The following KDM4C variants were observed in gnomAD, a reference collection of about 807,000 sequenced individuals.
The protein encoded by KDM4C is lysine-specific demethylase 4C.
Under a neutral mutation model 129.3 loss-of-function variants are expected in KDM4C, and 81 were observed. That is an observed-to-expected ratio of 0.63 (90% CI 0.52 to 0.75). KDM4C has a LOEUF of 0.75. Ranked by LOEUF, KDM4C falls within the 30% of genes least tolerant of loss-of-function variation. KDM4C has a pLI of 0.00. For synonymous variants in KDM4C, 573 were observed against 456.1 expected (o/e 1.26, Z -3.26); for missense variants, 1,457 against 1,304.0 (o/e 1.12, Z -1.81).
chr9:6,760,847 C>T (rs1159850800), intron 1 of KDM4C, among the ~76,000 whole-genome samples: 5 of 151,952 alleles, frequency 3.3e-5, no homozygotes, highest in Admixed American at 3.3e-4. Flanking sequence ...GCTGGGATTA[C>T]AGGCGTGAGC....
intron 6 of KDM4C, among the ~76,000 whole-genome samples, chr9:6,881,556 A>C (rs1349509834): frequency 3.3e-5 from 5 of 152,226 alleles, no homozygotes. Context: ...GAGAACTTTT[A>C]AAATGAAGCC....
At chr9:7,029,075 C>T (rs774317788) in intron 15 of KDM4C, among the ~76,000 whole-genome samples, 9 of 152,112 alleles carry the variant, frequency 5.9e-5, no homozygotes, top group Non-Finnish European at 1.0e-4. Context: ...TTTGGTGTTC[C>T]TCCAGAGGGG....
intron 17 of KDM4C, among the ~76,000 whole-genome samples, chr9:7,088,643 A>C (rs1489529351): frequency 6.6e-6 from 1 of 152,214 alleles, no homozygotes; most frequent in Non-Finnish European, 1.5e-5. Context: ...TACATTTGCT[A>C]CATATTACAG....
intron 8 of KDM4C, among the ~76,000 whole-genome samples, chr9:6,911,623 T>C (rs1819326694): frequency 6.6e-6 from 1 of 152,256 alleles, no homozygotes; most frequent in African/African-American, 2.4e-5. Flanking sequence ...AGCACTTGTA[T>C]AAAATGTTCA....
rs144132068 is a variant in KDM4C, at chr9:6,933,761, A to T, written c.921+40529A>T. Among the ~76,000 whole-genome samples, 172 of 152,306 alleles carry T rather than the reference A, an allele frequency of 1.1e-3. 1 individual carries two copies. The highest frequency in any genetic ancestry group is 3.8e-3 in the African/African-American group (157 of 41,572). On this transcript the variant is annotated intron_variant, in intron 8 of 21. Coordinates refer to ENST00000381309, the MANE Select transcript of KDM4C (RefSeq NM_015061.6). The stretch of plus-strand genomic sequence containing the variant: ...AGGTTTGGCAATGAAAGATACTGTG[A>T]GGGCAAAGATTTTGGTATGGCTGTT...
intron 12 of KDM4C, among the ~76,000 whole-genome samples, chr9:7,006,615 T>C (rs1336909336): frequency 6.6e-6 from 1 of 152,056 alleles, no homozygotes; most frequent in African/African-American, 2.4e-5. Context: ...ATTTTACCTA[T>C]AGGTAATTGT....
rs138849882 is a variant in KDM4C at position 6,964,171 on chromosome 9, C to T, written c.922-16754C>T. Among the ~76,000 whole-genome samples, 534 of 152,222 alleles carry T rather than the reference C, an allele frequency of 3.5e-3. 2 individuals carry two copies. The highest frequency in any genetic ancestry group is 0.012 in the African/African-American group (503 of 41,550). On this transcript the variant is annotated intron_variant, in intron 8 of 21. Transcript: ENST00000381309. ...TTGTTACACATGTATACATATGCCACGTTGGTGTGCTGCACCCATTAACTC... is the reference window on the plus strand; with the variant it reads ...TTGTTACACATGTATACATATGCCATGTTGGTGTGCTGCACCCATTAACTC...
At chr9:7,120,159 A>ATT (rs113215491) in intron 18 of KDM4C, among the ~76,000 whole-genome samples, 99 of 149,020 alleles carry the variant, frequency 6.6e-4, no homozygotes, top group African/African-American at 1.2e-3. Context: ...AGGAATGATG[A>ATT]TTTTTTTTTT....
intron 8 of KDM4C, among the ~76,000 whole-genome samples, chr9:6,968,874 G>C (rs1458738212): frequency 2.0e-5 from 3 of 152,076 alleles, no homozygotes; most frequent in African/African-American, 4.8e-5. Context: ...GTTTTAGTTT[G>C]AGTGTTTAAA....
At chr9:6,825,974 C>G (rs1833805030) in intron 4 of KDM4C, among the ~76,000 whole-genome samples, 1 of 152,062 alleles carries the variant, frequency 6.6e-6, no homozygotes, top group Admixed American at 6.6e-5. Flanking sequence ...CCATGCCCAG[C>G]TAATTTTTTG....
rs200659356 is a variant in KDM4C at position 7,175,533 on chromosome 9, A to G, written c.*804A>G. On this transcript the variant is annotated 3_prime_UTR_variant, in exon 22 of 22. Transcript: ENST00000381309. ...TTTCATTATGTGTTTGTAAAATTAG[A>G]GTTTAAATAAATATGCTTTGATGCA... 15 of 152,754 alleles carry G rather than the reference A, an allele frequency of 9.8e-5. No individual in the cohort carries two copies. The East Asian group carries it at 2.9e-3, about 29-fold the overall frequency. The allele number at this position is 152,754 out of a possible 1,614,324, so 9.5% of individuals were successfully genotyped here. A position where few individuals can be genotyped will look rare whatever the true frequency, so the allele number is the denominator to read the frequency against.
chr9:6,969,071 G>C (rs1254039569), intron 8 of KDM4C, among the ~76,000 whole-genome samples: 1 of 151,924 alleles, frequency 6.6e-6, no homozygotes, highest in Non-Finnish European at 1.5e-5. Flanking sequence ...GAGTACCTGG[G>C]ACCACAGGCA....
chr9:6,845,538 C>CT (rs1419598138), intron 4 of KDM4C, among the ~76,000 whole-genome samples: 1 of 152,174 alleles, frequency 6.6e-6, no homozygotes, highest in African/African-American at 2.4e-5. Context: ...AAACTGCTGT[C>CT]TGATTCCTGA....
At chr9:6,770,184 A>C (rs1821460909) in intron 1 of KDM4C, among the ~76,000 whole-genome samples, 1 of 151,914 alleles carries the variant, frequency 6.6e-6, no homozygotes, top group Non-Finnish European at 1.5e-5. Context: ...CATCTCAAAA[A>C]GGAAAAACAA....
chr9:7,002,986 G>T (rs541706501), intron 12 of KDM4C, among the ~76,000 whole-genome samples: 3 of 152,272 alleles, frequency 2.0e-5, no homozygotes, highest in African/African-American at 7.2e-5. Context: ...TCAGCCTCCC[G>T]AGTAACTGGG....
rs1186232259 is a variant in KDM4C at position 7,076,960 on chromosome 9, C to G, written c.2425-26725C>G. 4.1e-6 allele frequency: 4 copies of G among 985,906 alleles called. No individual in the cohort carries two copies. In the East Asian group the frequency reaches 4.5e-4, roughly 112 times the overall value. The allele number at this position is 985,906 out of a possible 1,614,324, so 61.1% of individuals were successfully genotyped here. A position where few individuals can be genotyped will look rare whatever the true frequency, so the allele number is the denominator to read the frequency against. On this transcript the variant is annotated intron_variant, in intron 17 of 21. Transcript: ENST00000381309. ...TACACCATTTTTCTACAGCACATCA[C>G]AGGCCCAGAGGCTTGAATCTAAGAG...
intron 15 of KDM4C, among the ~76,000 whole-genome samples, chr9:7,031,237 A>G (rs1455741585): frequency 6.6e-6 from 1 of 151,828 alleles, no homozygotes; most frequent in African/African-American, 2.4e-5. Context: ...ATCTTGGTTC[A>G]CTGCAACCTC....
At chr9:6,922,258 A>G (rs1171132868) in intron 8 of KDM4C, among the ~76,000 whole-genome samples, 1 of 152,230 alleles carries the variant, frequency 6.6e-6, no homozygotes, top group African/African-American at 2.4e-5. Context: ...ATGCAATGTT[A>G]TAACACTGAA....
In KDM4C at chr9:7,103,863, C is replaced by G; in HGVS notation, c.2603C>G (p.Pro868Arg). The G allele has an allele frequency of 6.2e-7, 1 of 1,613,730 alleles. No individual in the cohort carries two copies. The highest frequency in any genetic ancestry group is 1.1e-5 in the South Asian group (1 of 91,052). ...NITCFRHKVNPNVKSKACEKV... is the reference protein window; with the variant it reads ...NITCFRHKVNRNVKSKACEKV... ...ACATGCTTTCGACATAAGGTCAACC[C>G]CAACGTGGTAAGATGTGCCCTCCCT... The change falls in exon 18 of 22, where the codon CCC (proline) becomes CGC (arginine). Residue 868 changes from proline to arginine, a missense_variant. Transcript: ENST00000381309.
Sources: allele counts gnomAD v4.1 joint callset (sites outside exome capture counted in the v4.1 genomes callset), GRCh38; gene constraint gnomAD v4.1.1; transcripts MANE v1.5; gene names NCBI Gene and HGNC (gene_info 2026-07-23, HGNC 2026-07-21).